The following PLCL2 variants were observed in gnomAD, a reference collection of about 807,000 sequenced individuals.
PLCL2 encodes inactive phospholipase C-like protein 2.
PLCL2 carries 4 observed loss-of-function variants against 79.6 expected under a neutral mutation model. The observed-to-expected ratio is 0.05, with a 90% CI of 0.02 to 0.11. The LOEUF is 0.11. Ranked by LOEUF, PLCL2 falls within the 10% of genes least tolerant of loss-of-function variation. The probability of loss-of-function intolerance (pLI) is 1.00; values close to 1 mark genes in which losing one functional copy is unlikely to be tolerated. For missense variants in PLCL2, 895 were observed against 1,291.0 expected (o/e 0.69, Z 4.70); for synonymous variants, 484 against 457.7 (o/e 1.06, Z -0.73).
At chr3:16,957,843 G>A (rs1426370754) in intron 1 of PLCL2, among the ~76,000 whole-genome samples, 1 of 152,130 alleles carries the variant, frequency 6.6e-6, no homozygotes, top group Non-Finnish European at 1.5e-5. Context: ...CAGAGACTAG[G>A]ATTGCAACCC....
chr3:17,051,698 C>A (rs938834971), intron 4 of PLCL2, among the ~76,000 whole-genome samples: 1 of 152,098 alleles, frequency 6.6e-6, no homozygotes, highest in East Asian at 1.9e-4. Context: ...AATGCCCAAG[C>A]CTTAAAGGGG....
rs1697499046 is a variant in PLCL2 at position 16,934,768 on chromosome 3, G to T, written c.327+49402G>T. Among the ~76,000 whole-genome samples the T allele has an allele frequency of 2.0e-5, 3 of 152,200 alleles. No individual in the cohort carries two copies. The South Asian group carries it at 6.2e-4, about 32-fold the overall frequency. On this transcript the variant is annotated intron_variant, in intron 1 of 5. Transcript: ENST00000615277. ...CAACTAGGAAGAAGTAGACACAGAAGAGCTCTTCAGACAGTGGAATCAACA... is the reference window on the plus strand; with the variant it reads ...CAACTAGGAAGAAGTAGACACAGAATAGCTCTTCAGACAGTGGAATCAACA...
intron 1 of PLCL2, among the ~76,000 whole-genome samples, chr3:16,961,274 C>T (rs1438293665): frequency 6.6e-6 from 1 of 152,166 alleles, no homozygotes; most frequent in Non-Finnish European, 1.5e-5. Context: ...TTCCACTGCA[C>T]ATTTCCATAT....
chr3:17,071,934 C>A (rs1287067467), intron 5 of PLCL2, among the ~76,000 whole-genome samples: 2 of 152,004 alleles, frequency 1.3e-5, no homozygotes, highest in African/African-American at 4.8e-5. Flanking sequence ...TCAAGTGATT[C>A]TCCTGCCTCA....
chr3:16,995,769 C>T (rs751898029), intron 1 of PLCL2, among the ~76,000 whole-genome samples: 16 of 152,096 alleles, frequency 1.1e-4, no homozygotes, highest in Non-Finnish European at 1.6e-4. Flanking sequence ...GTAATGTGGC[C>T]GTAGGCTCCG....
chr3:17,005,341 C>T (rs1187633928), intron 1 of PLCL2, among the ~76,000 whole-genome samples: 2 of 150,530 alleles, frequency 1.3e-5, no homozygotes. Context: ...TTGTTGCCAG[C>T]CGATGAAATG....
At chr3:16,969,796 T>C (rs976880780) in intron 1 of PLCL2, among the ~76,000 whole-genome samples, 10 of 152,008 alleles carry the variant, frequency 6.6e-5, no homozygotes, top group African/African-American at 2.4e-4. Context: ...ATTGGTTTGC[T>C]CTTGTTTTTC....
intron 1 of PLCL2, among the ~76,000 whole-genome samples, chr3:16,979,180 G>A (rs557287068): frequency 6.6e-6 from 1 of 152,178 alleles, no homozygotes; most frequent in South Asian, 2.1e-4. Context: ...GTATTTTGTG[G>A]TTAAAAGCCT....
At chr3:17,023,336 C>T (rs1407634192) in intron 3 of PLCL2, among the ~76,000 whole-genome samples, 1 of 152,150 alleles carries the variant, frequency 6.6e-6, no homozygotes, top group Non-Finnish European at 1.5e-5. Flanking sequence ...GGTTGTTTCC[C>T]CATGATATGG....
chr3:17,034,144 TCCAGGTACA>T (rs1026792283), intron 3 of PLCL2, among the ~76,000 whole-genome samples: 7 of 152,202 alleles, frequency 4.6e-5, no homozygotes, highest in Admixed American at 2.0e-4. Context: ...GTAGGTTTCC[TCCAGGTACA>T]CCAGGTACAC....
At chr3:16,922,603 GA>G (rs1697148800) in intron 1 of PLCL2, among the ~76,000 whole-genome samples, 1 of 152,094 alleles carries the variant, frequency 6.6e-6, no homozygotes. Flanking sequence ...TGCTGTTGAA[GA>G]TATCCTGTAT....
chr3:16,933,905 A>G (rs1697472538), intron 1 of PLCL2, among the ~76,000 whole-genome samples: 1 of 152,070 alleles, frequency 6.6e-6, no homozygotes, highest in African/African-American at 2.4e-5. Context: ...TGTCTCTACT[A>G]AAAATACAGA....
At chr3:16,954,955 A>C (rs2063689966) in intron 1 of PLCL2, among the ~76,000 whole-genome samples, 1 of 152,198 alleles carries the variant, frequency 6.6e-6, no homozygotes. Context: ...GGTTGTAAAA[A>C]TGTTCTCCCA....
intron 3 of PLCL2, among the ~76,000 whole-genome samples, chr3:17,020,700 GCT>G (rs139136137): frequency 0.028 from 4,329 of 152,152 alleles, 224 homozygotes; most frequent in African/African-American, 0.1. Context: ...GATATTATTT[GCT>G]CTCTCTGAGT....
intron 1 of PLCL2, among the ~76,000 whole-genome samples, chr3:17,004,467 C>T (rs911344891): frequency 1.3e-5 from 2 of 152,058 alleles, no homozygotes; most frequent in African/African-American, 4.8e-5. Flanking sequence ...CAATAAAGGG[C>T]CTTTCCACAT....
intron 1 of PLCL2, among the ~76,000 whole-genome samples, chr3:16,906,533 AC>A (rs1303684767): frequency 6.6e-6 from 1 of 152,180 alleles, no homozygotes; most frequent in East Asian, 1.9e-4. Context: ...AGTTTTTAAA[AC>A]TAAAATTTTA....
chr3:16,990,304 C>G (rs1225983079), intron 1 of PLCL2, among the ~76,000 whole-genome samples: 1 of 152,176 alleles, frequency 6.6e-6, no homozygotes, highest in Non-Finnish European at 1.5e-5. Flanking sequence ...AGGGCTGGTG[C>G]AGAAGACAGA....
chr3:16,972,352 T>G (rs928463872), intron 1 of PLCL2, among the ~76,000 whole-genome samples: 1 of 152,170 alleles, frequency 6.6e-6, no homozygotes, highest in African/African-American at 2.4e-5. Flanking sequence ...GCAGTGGTTT[T>G]GAGTGTGGTT....
chr3:17,049,290 G>C (rs1401796901), intron 4 of PLCL2, among the ~76,000 whole-genome samples: 1 of 152,166 alleles, frequency 6.6e-6, no homozygotes, highest in East Asian at 1.9e-4. Context: ...AAAGAGGTTT[G>C]GCTTAAAAAA....
Sources: gnomAD v4.1 joint callset for allele counts (sites outside exome capture counted in the v4.1 genomes callset) on GRCh38, gnomAD v4.1.1 for gene constraint, MANE v1.5 for transcripts, NCBI Gene and HGNC (gene_info 2026-07-23, HGNC 2026-07-21) for gene names.